The following WDR62 variants were observed in gnomAD, a reference collection of about 807,000 sequenced individuals.
WDR62 encodes WD repeat domain 62.
Under a neutral mutation model 160.6 loss-of-function variants are expected in WDR62, and 112 were observed. The ratio of observed to expected loss-of-function variants is 0.70; its 90% CI spans 0.60 to 0.82. WDR62 has a LOEUF of 0.82. WDR62 is among the 40% of genes least tolerant of loss of function. WDR62 has a pLI of 0.00. For missense variants in WDR62, 1,819 were observed against 1,983.8 expected (o/e 0.92, Z 1.58); for synonymous variants, 792 against 815.1 (o/e 0.97, Z 0.48).
intron 9 of WDR62, among the ~76,000 whole-genome samples, chr19:36,079,779 C>T (rs1282071668): frequency 1.3e-5 from 2 of 152,134 alleles, no homozygotes; most frequent in African/African-American, 2.4e-5. Flanking sequence ...ATATGTAGGT[C>T]TTGTGATTGG....
At chr19:36,060,903 T>G (rs1276964750) in intron 3 of WDR62, 1 of 152,244 alleles carries the variant, frequency 6.6e-6, no homozygotes, top group Non-Finnish European at 1.5e-5. Flanking sequence ...TAACATGATT[T>G]GGGTTTTAGA....
intron 13 of WDR62, among the ~76,000 whole-genome samples, chr19:36,087,645 C>T (rs4806267): frequency 0.14 from 20,697 of 151,232 alleles, 1,722 homozygotes; most frequent in Middle Eastern, 0.24. Context: ...AGTGAAACCC[C>T]GTCTCTACTA....
At chr19:36,084,385 C>A (rs909689186) in intron 11 of WDR62, among the ~76,000 whole-genome samples, 2 of 152,182 alleles carry the variant, frequency 1.3e-5, no homozygotes, top group East Asian at 1.9e-4. Context: ...CACCTGCCCC[C>A]CTAGAAGACT....
At chr19:36,061,188 T>C (rs1040058230) in intron 3 of WDR62, 1 of 152,222 alleles carries the variant, frequency 6.6e-6, no homozygotes, top group Admixed American at 6.5e-5. Context: ...GCATTCCCTC[T>C]TGAAAGTGGC....
intron 5 of WDR62, 131 bp from the exon 6 acceptor site, chr19:36,067,175 A>T: frequency 8.3e-7 from 1 of 1,206,752 alleles, no homozygotes; most frequent in Non-Finnish European, 1.2e-6. Flanking sequence ...CCCATACAGC[A>T]GCTCCCTGGA....
At position 36,086,719 on chromosome 19, in the gene WDR62, C is replaced by T. The variant is rs769303418; in HGVS notation, c.1675C>T (p.Arg559Trp). The T allele has an allele frequency of 1.2e-5, 20 of 1,604,748 alleles. No individual in the cohort carries two copies. The highest frequency in any genetic ancestry group is 1.7e-5 in the Non-Finnish European group (20 of 1,175,208). ...CTTGCTGGCCTCAGCCAGTCGGGACCGGCTGATCCATGTGCTGAACGTGGA... is the reference window on the plus strand; with the variant it reads ...CTTGCTGGCCTCAGCCAGTCGGGACTGGCTGATCCATGTGCTGAACGTGGA... ...LTLLASASRD[R>W]LIHVLNVEKN... Residue 559 changes from arginine to tryptophan, a missense_variant, in exon 13 of 32, where the codon CGG (arginine) becomes TGG (tryptophan). By Grantham distance (101) the Arg-to-Trp change is moderately radical. Coordinates refer to ENST00000401500, the MANE Select transcript of WDR62 (RefSeq NM_001083961.2).
chr19:36,093,965 G>A, intron 19 of WDR62, 66 bp from the exon 20 acceptor site: 1 of 1,602,394 alleles, frequency 6.2e-7, no homozygotes, highest in Non-Finnish European at 8.5e-7. Flanking sequence ...CCCAGCCCTA[G>A]GCAAGTCCCC....
rs1973468556 is a variant in WDR62 at position 36,102,976 on chromosome 19, A to G, written c.3364A>G (p.Thr1122Ala). 3.7e-6 allele frequency: 6 copies of G among 1,613,950 alleles called. No individual in the cohort carries two copies. Among genetic ancestry groups the G allele is most frequent in the Non-Finnish European group, 5.1e-6 (6 of 1,180,014 alleles). ...CACCCATACCTTCCCTCCCCGGGCA[A>G]CCCAGTGCCTTGTGAAGTCTCCAGA... Reference protein sequence around the residue: ...RFTHTFPPRATQCLVKSPEVK... With the variant: ...RFTHTFPPRAAQCLVKSPEVK... The change falls in exon 28 of 32, where the codon ACC (threonine) becomes GCC (alanine). Residue 1122 changes from threonine to alanine, a missense_variant. By Grantham distance (58) the Thr-to-Ala change is moderately conservative (BLOSUM62 0). Around this residue, in one of 3 missense-constraint regions of WDR62, gnomAD observed 770 missense variants for 734.2 expected, o/e 1.05. Transcript: ENST00000401500.
chr19:36,104,511 A>G lies in WDR62; in HGVS notation c.4154-7A>G. On this transcript the variant is annotated splice_region_variant and splice_polypyrimidine_tract_variant and intron_variant, in intron 30 of 31. Transcript: ENST00000401500. ...TCATCTTGCTCATTCCCTTCTCTCT[A>G]CCCCAGGTGCACTTGGTCTGTTACA... 6.2e-7 allele frequency: 1 copy of G among 1,613,338 alleles called. No homozygotes were observed. Among genetic ancestry groups the G allele is most frequent in the Non-Finnish European group, 8.5e-7 (1 of 1,179,782 alleles).
At chr19:36,081,364 T>A in intron 9 of WDR62, 69 bp from the exon 10 acceptor site, 1 of 1,493,476 alleles carries the variant, frequency 6.7e-7, no homozygotes, top group Non-Finnish European at 9.3e-7. Flanking sequence ...TTTTTTTCCA[T>A]GAAAATGCAA....
chr19:36,105,258 G>A (rs1290867815), downstream of WDR62, among the ~76,000 whole-genome samples: 1 of 152,084 alleles, frequency 6.6e-6, no homozygotes, highest in Non-Finnish European at 1.5e-5. Flanking sequence ...CTGCAGCCAT[G>A]ACCTCAGGGC....
At chr19:36,068,547 G>A (rs923834380) in intron 7 of WDR62, among the ~76,000 whole-genome samples, 1 of 152,214 alleles carries the variant, frequency 6.6e-6, no homozygotes, top group Admixed American at 6.5e-5. Context: ...AGATTAGGGA[G>A]TGGTGATGAC....
In WDR62 at chr19:36,078,695, C is replaced by T. The variant is rs1971718471; in HGVS notation, c.1234-2738C>T. 1.3e-5 allele frequency among the ~76,000 whole-genome samples: 2 copies of T among 151,334 alleles called. 1 individual carries two copies. Among genetic ancestry groups the T allele is most frequent in the South Asian group, 4.2e-4 (2 of 4,800 alleles). On this transcript the variant is annotated intron_variant, in intron 9 of 31. Coordinates refer to ENST00000401500, the MANE Select transcript of WDR62 (RefSeq NM_001083961.2). ...GCTAAAAATACAAAAAATTAGCTGGCCGTGGTGGCGGGCGCCTGTAATCCC... is the reference window on the plus strand; with the variant it reads ...GCTAAAAATACAAAAAATTAGCTGGTCGTGGTGGCGGGCGCCTGTAATCCC...
At position 36,089,289 on chromosome 19, in the gene WDR62, C is replaced by T; in HGVS notation, c.1941C>T (p.Cys647=). The change falls in exon 15 of 32, where the codon TGC becomes TGT. Residue 647 remains cysteine, a synonymous_variant. Coordinates refer to ENST00000401500, the MANE Select transcript of WDR62 (RefSeq NM_001083961.2). ...DITQKYVAVA[C]QDRNVRVYNT... is the part of the protein sequence containing the mutation. Reference sequence around the variant, plus strand: ...CCCAGAAGTACGTGGCCGTGGCCTGCCAGGACCGCAATGTGAGGTAAGGGG... The same window carrying T: ...CCCAGAAGTACGTGGCCGTGGCCTGTCAGGACCGCAATGTGAGGTAAGGGG... 2 of 1,614,220 alleles carry T rather than the reference C, an allele frequency of 1.2e-6. No homozygotes were observed. Among genetic ancestry groups the T allele is most frequent in the Non-Finnish European group, 1.7e-6 (2 of 1,180,040 alleles).
chr19:36,105,153 A>C, downstream of WDR62: 1 of 1,274,300 alleles, frequency 7.8e-7, no homozygotes, highest in East Asian at 2.5e-5. Flanking sequence ...GCCCTCTTCA[A>C]GTGGAAGTGG....
chr19:36,073,662 T>A (rs1002827557), intron 9 of WDR62, 131 bp downstream of exon 9: 1 of 790,112 alleles, frequency 1.3e-6, no homozygotes, highest in South Asian at 1.5e-5. Flanking sequence ...CTGTCCTAGG[T>A]GCTGAGGACA....
chr19:36,060,270 G>A (rs946045423), intron 3 of WDR62: 5 of 574,862 alleles, frequency 8.7e-6, no homozygotes, highest in African/African-American at 3.7e-5. Context: ...AGCAAATTAC[G>A]GGCTGATCAT....
chr19:36,104,069 C>T (rs1340316106), intron 30 of WDR62, 88 bp downstream of exon 30: 1 of 1,510,910 alleles, frequency 6.6e-7, no homozygotes, highest in Admixed American at 1.7e-5. Context: ...CTTGACCTGG[C>T]CACAGGGACT....
chr19:36,063,782 CCT>C, intron 3 of WDR62, among the ~76,000 whole-genome samples: 1 of 152,346 alleles, frequency 6.6e-6, no homozygotes, highest in East Asian at 1.9e-4. Context: ...CACTTCAAAG[CCT>C]CTCTTTTCAC....
Sources: gnomAD v4.1 joint callset for allele counts (sites outside exome capture counted in the v4.1 genomes callset) on GRCh38, gnomAD v4.1.1 for gene constraint, gnomAD v4.1.1 regional missense constraint, MANE v1.5 for transcripts, NCBI Gene and HGNC (gene_info 2026-07-23, HGNC 2026-07-21) for gene names.